FSD1L: variants seen among roughly 807,000 people sequenced by gnomAD.
FSD1L encodes fibronectin type III and SPRY domain containing 1 like, also known as FSD1-like protein.
FSD1L carries 45 observed loss-of-function variants against 71.6 expected under a neutral mutation model. The observed-to-expected ratio is 0.63, with a 90% CI of 0.49 to 0.81. The LOEUF (loss-of-function observed/expected upper bound fraction) is 0.81, where lower values mean the gene tolerates loss of function less well. FSD1L is among the 30% of genes least tolerant of loss of function. FSD1L has a pLI of 0.00. For missense variants in FSD1L, 561 were observed against 618.1 expected (o/e 0.91, Z 0.98); for synonymous variants, 197 against 207.2 (o/e 0.95, Z 0.42).
intron 4 of FSD1L, among the ~76,000 whole-genome samples, chr9:105,470,561 T>C (rs912175769): frequency 2.0e-5 from 3 of 152,122 alleles, no homozygotes; most frequent in Non-Finnish European, 4.4e-5. Context: ...TCATTATTGG[T>C]ATGTAGAAAT....
At chr9:105,542,019 C>T (rs1836654960) in intron 13 of FSD1L, among the ~76,000 whole-genome samples, 1 of 152,112 alleles carries the variant, frequency 6.6e-6, no homozygotes, top group South Asian at 2.1e-4. Flanking sequence ...CATTCATTCA[C>T]CAGTTGAAAG....
intron 5 of FSD1L, among the ~76,000 whole-genome samples, chr9:105,478,109 G>A (rs910887213): frequency 6.6e-6 from 1 of 152,146 alleles, no homozygotes; most frequent in African/African-American, 2.4e-5. Flanking sequence ...GCCGGGCGTG[G>A]TGGCGGGTCC....
intron 7 of FSD1L, among the ~76,000 whole-genome samples, chr9:105,505,280 A>C (rs2131352920): frequency 6.6e-6 from 1 of 152,242 alleles, no homozygotes; most frequent in East Asian, 1.9e-4. Context: ...GTTCTTTTTG[A>C]GACGGAGTCT....
At chr9:105,500,040 C>A (rs1438900544) in intron 7 of FSD1L, among the ~76,000 whole-genome samples, 1 of 152,154 alleles carries the variant, frequency 6.6e-6, no homozygotes, top group Non-Finnish European at 1.5e-5. Flanking sequence ...CTTAGAATTT[C>A]TAGCGCTCCA....
intron 10 of FSD1L, among the ~76,000 whole-genome samples, chr9:105,533,950 C>T (rs1021066783): frequency 1.3e-5 from 2 of 151,990 alleles, no homozygotes; most frequent in Middle Eastern, 3.2e-3. Flanking sequence ...CTCGAACTCC[C>T]GACCTCAGGT....
At chr9:105,545,795 A>G (rs999260420) in intron 13 of FSD1L, among the ~76,000 whole-genome samples, 14 of 152,148 alleles carry the variant, frequency 9.2e-5, no homozygotes, top group Admixed American at 3.9e-4. Context: ...ATTCACATTT[A>G]TGATAAGTAA....
chr9:105,451,613 TAAAC>T (rs1310105567), intron 1 of FSD1L, among the ~76,000 whole-genome samples: 2 of 152,192 alleles, frequency 1.3e-5, no homozygotes, highest in African/African-American at 2.4e-5. Flanking sequence ...CTCCTGGAAA[TAAAC>T]AGAGGGATTT....
At chr9:105,509,461 G>A (rs1243006065) in intron 9 of FSD1L, among the ~76,000 whole-genome samples, 1 of 152,184 alleles carries the variant, frequency 6.6e-6, no homozygotes, top group African/African-American at 2.4e-5. Flanking sequence ...AGGTTATAAT[G>A]CTGGAGACTT....
intron 10 of FSD1L, among the ~76,000 whole-genome samples, chr9:105,517,791 A>T (rs977973525): frequency 2.0e-5 from 3 of 152,210 alleles, no homozygotes; most frequent in Non-Finnish European, 4.4e-5. Context: ...TAATGACAGG[A>T]TCAAGTTCAC....
At chr9:105,510,395 TGA>T (rs1369433945) in intron 9 of FSD1L, among the ~76,000 whole-genome samples, 2 of 152,198 alleles carry the variant, frequency 1.3e-5, no homozygotes, top group Non-Finnish European at 2.9e-5. Context: ...GGGCTACTAA[TGA>T]GAGTAAGAGC....
At chr9:105,523,147 A>G in intron 10 of FSD1L, 1 of 1,613,990 alleles carries the variant, frequency 6.2e-7, no homozygotes, top group Non-Finnish European at 8.5e-7. Flanking sequence ...CTTCATATAG[A>G]TTCTGAAACA....
chr9:105,513,018 T>G, intron 10 of FSD1L, 82 bp downstream of exon 10: 11 of 1,156,542 alleles, frequency 9.5e-6, no homozygotes, highest in Non-Finnish European at 1.2e-5. Flanking sequence ...ATTGAAATTC[T>G]TAGTCAATAT....
intron 2 of FSD1L, 34 bp downstream of exon 2, chr9:105,461,649 T>A (rs1830706181): frequency 7.8e-7 from 1 of 1,282,798 alleles, no homozygotes; most frequent in East Asian, 2.5e-5. Flanking sequence ...AGGTTTTAAC[T>A]TGAAGATCTG....
intron 1 of FSD1L, among the ~76,000 whole-genome samples, chr9:105,457,788 T>G (rs1464068163): frequency 2.0e-5 from 3 of 151,958 alleles, no homozygotes; most frequent in Non-Finnish European, 4.4e-5. Context: ...AGCGAGTGAG[T>G]TTGGGGTCCG....
intron 10 of FSD1L, chr9:105,526,252 C>G: frequency 6.2e-7 from 1 of 1,601,496 alleles, no homozygotes; most frequent in Non-Finnish European, 8.5e-7. Flanking sequence ...ACGATACCTG[C>G]AAACAATTGT....
At chr9:105,501,526 G>A (rs867505144) in intron 7 of FSD1L, among the ~76,000 whole-genome samples, 5 of 151,914 alleles carry the variant, frequency 3.3e-5, no homozygotes, top group South Asian at 2.1e-4. Context: ...TGGCTCAAGC[G>A]GTCTTTCTGC....
At chr9:105,467,971 T>C (rs919117974) in intron 3 of FSD1L, among the ~76,000 whole-genome samples, 1 of 152,202 alleles carries the variant, frequency 6.6e-6, no homozygotes. Context: ...AAAAGACAAC[T>C]TAACTGATAG....
chr9:105,533,790 A>G (rs979684124), intron 10 of FSD1L, among the ~76,000 whole-genome samples: 1 of 146,482 alleles, frequency 6.8e-6, no homozygotes, highest in East Asian at 2.1e-4. Flanking sequence ...TGGTGCAATC[A>G]TGGCTCACCC....
intron 13 of FSD1L, among the ~76,000 whole-genome samples, chr9:105,539,803 C>T (rs971834851): frequency 6.6e-5 from 10 of 152,076 alleles, no homozygotes; most frequent in African/African-American, 2.4e-4. Context: ...TGAGATTAAT[C>T]CATATTCTAT....
Sources: gnomAD v4.1 joint callset for allele counts (sites outside exome capture counted in the v4.1 genomes callset) on GRCh38, gnomAD v4.1.1 for gene constraint, MANE v1.5 for transcripts, NCBI Gene and HGNC (gene_info 2026-07-23, HGNC 2026-07-21) for gene names.